The following ANGPT1 variants were observed in gnomAD, a reference collection of about 807,000 sequenced individuals.
ANGPT1 encodes angiopoietin 1.
ANGPT1 carries 17 observed loss-of-function variants against 62.2 expected under a neutral mutation model. That is an observed-to-expected ratio of 0.27 (90% confidence interval 0.19 to 0.41). ANGPT1 has a LOEUF of 0.41. ANGPT1 is among the 10% of genes least tolerant of loss of function. The pLI is 1.00. For synonymous variants in ANGPT1, 199 were observed against 198.9 expected (o/e 1.00, Z 0.00); for missense variants, 478 against 594.9 (o/e 0.80, Z 2.04).
At chr8:107,462,779 A>C (rs2130480034) in intron 1 of ANGPT1, among the ~76,000 whole-genome samples, 1 of 152,244 alleles carries the variant, frequency 6.6e-6, no homozygotes, top group East Asian at 1.9e-4. Context: ...AGCAGAAAAC[A>C]ACCGACTAAC....
chr8:107,254,979 G>A (rs777033907), intron 8 of ANGPT1, among the ~76,000 whole-genome samples: 4 of 151,238 alleles, frequency 2.6e-5, no homozygotes, highest in Admixed American at 6.6e-5. Flanking sequence ...ATATGTGACA[G>A]CTTAAAAAAA....
intron 1 of ANGPT1, among the ~76,000 whole-genome samples, chr8:107,354,097 A>G (rs980996567): frequency 2.0e-5 from 3 of 152,104 alleles, no homozygotes; most frequent in Admixed American, 6.6e-5. Flanking sequence ...GAAAGTTGCC[A>G]AAGTCATTTA....
At chr8:107,261,163 CT>C (rs1813481356) in intron 8 of ANGPT1, among the ~76,000 whole-genome samples, 1 of 151,894 alleles carries the variant, frequency 6.6e-6, no homozygotes, top group Non-Finnish European at 1.5e-5. Flanking sequence ...ATCAAAGTCC[CT>C]TTGTCTTTGT....
At chr8:107,427,664 G>C (rs1022759826) in intron 1 of ANGPT1, among the ~76,000 whole-genome samples, 1 of 152,122 alleles carries the variant, frequency 6.6e-6, no homozygotes, top group Non-Finnish European at 1.5e-5. Flanking sequence ...ATCATGAAGG[G>C]AAGGTCTCTT....
chr8:107,278,255 T>A (rs4305873), intron 7 of ANGPT1, among the ~76,000 whole-genome samples: 151,808 of 152,090 alleles, frequency 1, 75,764 homozygotes, highest in Middle Eastern at 1. Flanking sequence ...TTTGTTTTTT[T>A]AATTTTTAAT....
At chr8:107,310,527 T>A (rs1300603864) in intron 4 of ANGPT1, among the ~76,000 whole-genome samples, 1 of 152,068 alleles carries the variant, frequency 6.6e-6, no homozygotes, top group African/African-American at 2.4e-5. Context: ...TCTGAAAGGG[T>A]ACAGCCTCAT....
intron 1 of ANGPT1, among the ~76,000 whole-genome samples, chr8:107,436,503 A>G (rs1332663369): frequency 6.6e-6 from 1 of 152,174 alleles, no homozygotes; most frequent in African/African-American, 2.4e-5. Flanking sequence ...TTGTGCTTAT[A>G]TGGAACGTTG....
intron 5 of ANGPT1, among the ~76,000 whole-genome samples, chr8:107,297,545 A>G (rs1212069687): frequency 2.0e-5 from 3 of 148,214 alleles, no homozygotes; most frequent in East Asian, 1.9e-4. Context: ...TTTAATATGT[A>G]TATAATATTT....
intron 4 of ANGPT1, among the ~76,000 whole-genome samples, chr8:107,306,747 T>C (rs1219602706): frequency 6.6e-6 from 1 of 151,988 alleles, no homozygotes; most frequent in Non-Finnish European, 1.5e-5. Context: ...GACAGATAGA[T>C]ACAATAGACT....
rs541656117 is a variant in ANGPT1 at position 107,487,372 on chromosome 8, A to G, written c.297+9890T>C. Among the ~76,000 whole-genome samples the G allele has an allele frequency of 3.9e-5, 6 of 152,270 alleles. No homozygotes were observed. The East Asian group carries it at 1.2e-3, about 29-fold the overall frequency. ...CCTGCTTTTAATCTCAGAAGTCTCT[A>G]ACGTGCAGAATGAGCAAAGTGGGGG... On this transcript the variant is annotated intron_variant, in intron 1 of 8. Coordinates refer to ENST00000517746, the MANE Select transcript of ANGPT1 (RefSeq NM_001146.5).
chr8:107,408,018 A>T (rs1164374687), intron 1 of ANGPT1, among the ~76,000 whole-genome samples: 1 of 152,220 alleles, frequency 6.6e-6, no homozygotes, highest in Non-Finnish European at 1.5e-5. Flanking sequence ...AAGCACTGGC[A>T]TATAGTCCAG....
chr8:107,473,340 A>T (rs9694468), intron 1 of ANGPT1, among the ~76,000 whole-genome samples: 3,191 of 152,140 alleles, frequency 0.021, 100 homozygotes, highest in African/African-American at 0.069. Context: ...AGCTTTATAA[A>T]GCATGATCCG....
At chr8:107,267,811 T>C (rs55681153) in intron 7 of ANGPT1, among the ~76,000 whole-genome samples, 6,202 of 152,090 alleles carry the variant, frequency 0.041, 172 homozygotes, top group Non-Finnish European at 0.061. Context: ...CCATATCTTG[T>C]TATTTTCTGC....
intron 5 of ANGPT1, among the ~76,000 whole-genome samples, chr8:107,299,600 ATATAGG>A (rs1219561063): frequency 7.1e-6 from 1 of 140,902 alleles, no homozygotes; most frequent in Non-Finnish European, 1.5e-5. Context: ...GACAGCAGAT[ATATAGG>A]TATATTATAT....
At position 107,267,848 on chromosome 8, in the gene ANGPT1, C is replaced by T. The variant is rs900359327; in HGVS notation, c.1206-3497G>A. On this transcript the variant is annotated intron_variant, in intron 7 of 8. Transcript: ENST00000517746. ...CGTACACATAGTGCTCCAGCCTTACCCACTCACTTATTCCCTCTAAGCAAC... is the reference window on the plus strand; with the variant it reads ...CGTACACATAGTGCTCCAGCCTTACTCACTCACTTATTCCCTCTAAGCAAC... Among the ~76,000 whole-genome samples the T allele has an allele frequency of 5.3e-5, 8 of 152,052 alleles. 1 individual carries two copies. The South Asian group carries it at 1.7e-3, about 32-fold the overall frequency.
chr8:107,288,096 T>TTTA (rs1390520995), intron 6 of ANGPT1, among the ~76,000 whole-genome samples: 2 of 152,042 alleles, frequency 1.3e-5, no homozygotes, highest in Non-Finnish European at 2.9e-5. Context: ...AGCCCAAAAA[T>TTTA]TAATAAAGGG....
intron 1 of ANGPT1, among the ~76,000 whole-genome samples, chr8:107,477,680 G>A (rs922045190): frequency 6.6e-6 from 1 of 151,874 alleles, no homozygotes; most frequent in African/African-American, 2.4e-5. Flanking sequence ...ATTAAGTCTT[G>A]GAGAAATTAA....
chr8:107,284,928 A>T, intron 6 of ANGPT1, 80 bp from the exon 7 acceptor site: 1 of 1,086,264 alleles, frequency 9.2e-7, no homozygotes, highest in Non-Finnish European at 1.2e-6. Flanking sequence ...TTTTCTAAAT[A>T]ATAATTAAAA....
Position 107,305,069 on chromosome 8 carries a change from T to A in ANGPT1, c.809-1702A>T, listed in dbSNP as rs139203806. Among the ~76,000 whole-genome samples, 10 of 152,180 alleles carry A rather than the reference T, an allele frequency of 6.6e-5. No homozygotes were observed. In the South Asian group the frequency reaches 2.1e-3, roughly 32 times the overall value. On this transcript the variant is annotated intron_variant, in intron 4 of 8. Transcript: ENST00000517746. ...TTTCAAAAGCATTGACGTAGTTTAC[T>A]GGTATTCGTTTATTCTAACTTTACG...
Sources: gnomAD v4.1 joint callset for allele counts (sites outside exome capture counted in the v4.1 genomes callset) on GRCh38, gnomAD v4.1.1 for gene constraint, MANE v1.5 for transcripts, NCBI Gene and HGNC (gene_info 2026-07-23, HGNC 2026-07-21) for gene names.